Variants in CRADD observed in about 807,000 individuals in gnomAD.
The protein encoded by CRADD is death domain-containing protein CRADD.
In CRADD, 9 loss-of-function variants were observed where a neutral mutation model predicts 15.5. The ratio of observed to expected loss-of-function variants is 0.58; its 90% CI spans 0.35 to 1.01. The LOEUF is 1.01. Among genes scored for constraint, CRADD ranks in the 50% least tolerant of loss-of-function variants. The pLI is 0.02. For missense variants in CRADD, 227 were observed against 250.3 expected (o/e 0.91, Z 0.63); for synonymous variants, 118 against 107.6 (o/e 1.10, Z -0.60).
chr12:93,753,803 T>TG (rs1278014096), intron 2 of CRADD, among the ~76,000 whole-genome samples: 2 of 152,216 alleles, frequency 1.3e-5, no homozygotes. Flanking sequence ...CCCTCCCAGC[T>TG]GCTTTCACTG....
intron 2 of CRADD, among the ~76,000 whole-genome samples, chr12:93,695,481 G>A (rs1175892323): frequency 1.3e-5 from 2 of 152,154 alleles, no homozygotes; most frequent in African/African-American, 4.8e-5. Context: ...TTCTGCACAG[G>A]AAACAACAGA....
At chr12:93,785,700 G>A (rs1399221652) in intron 2 of CRADD, among the ~76,000 whole-genome samples, 1 of 152,146 alleles carries the variant, frequency 6.6e-6, no homozygotes. Context: ...CATTTCAAAG[G>A]GAATTGTGGA....
chr12:93,880,399 T>C (rs1958488847), intron 2 of CRADD, among the ~76,000 whole-genome samples: 1 of 152,124 alleles, frequency 6.6e-6, no homozygotes, highest in Non-Finnish European at 1.5e-5. Context: ...ATTCCTACAT[T>C]GGTTCTGGCT....
At chr12:93,742,869 C>T (rs1026067640) in intron 2 of CRADD, among the ~76,000 whole-genome samples, 5 of 152,094 alleles carry the variant, frequency 3.3e-5, no homozygotes, top group African/African-American at 1.2e-4. Flanking sequence ...ACAGGTTATG[C>T]GCTGGGTCCT....
intron 2 of CRADD, among the ~76,000 whole-genome samples, chr12:93,809,224 C>T (rs1472755751): frequency 6.6e-6 from 1 of 152,128 alleles, no homozygotes; most frequent in Non-Finnish European, 1.5e-5. Flanking sequence ...TGAATTTTGA[C>T]TTCTATTCAT....
intron 2 of CRADD, among the ~76,000 whole-genome samples, chr12:93,775,352 A>G (rs1957129889): frequency 6.6e-6 from 1 of 152,136 alleles, no homozygotes; most frequent in Non-Finnish European, 1.5e-5. Flanking sequence ...AAGTACCAGT[A>G]TGAAGAGGAA....
At chr12:93,861,212 G>A (rs369568403) in intron 2 of CRADD, among the ~76,000 whole-genome samples, 1 of 152,196 alleles carries the variant, frequency 6.6e-6, no homozygotes, top group African/African-American at 2.4e-5. Context: ...ATGTTACTCA[G>A]GTTGAGGCAG....
chr12:93,766,828 A>G (rs987781527), intron 2 of CRADD, among the ~76,000 whole-genome samples: 1 of 152,234 alleles, frequency 6.6e-6, no homozygotes. Context: ...TGTTTATTCA[A>G]CCTTCTATTC....
chr12:93,804,562 G>A (rs958255457), intron 2 of CRADD, among the ~76,000 whole-genome samples: 2 of 152,094 alleles, frequency 1.3e-5, no homozygotes, highest in African/African-American at 4.8e-5. Flanking sequence ...CGGAGTCATG[G>A]TGTACTCATC....
chr12:93,717,054 T>G (rs1956175105), intron 2 of CRADD, among the ~76,000 whole-genome samples: 1 of 152,238 alleles, frequency 6.6e-6, no homozygotes. Context: ...TGTCAGAGTT[T>G]TGGATTGTGA....
intron 2 of CRADD, among the ~76,000 whole-genome samples, chr12:93,746,247 T>G (rs531460396): frequency 1.4e-4 from 22 of 152,250 alleles, no homozygotes; most frequent in Non-Finnish European, 2.5e-4. Flanking sequence ...TTTGATGCTT[T>G]CTTTCTGCTA....
intron 2 of CRADD, among the ~76,000 whole-genome samples, chr12:93,820,058 G>T (rs1593017525): frequency 6.6e-6 from 1 of 152,252 alleles, no homozygotes; most frequent in South Asian, 2.1e-4. Flanking sequence ...AGTCATTCAA[G>T]GTAGAAACTG....
intron 2 of CRADD, among the ~76,000 whole-genome samples, chr12:93,789,653 G>A (rs192678879): frequency 5.1e-4 from 77 of 151,986 alleles, no homozygotes; most frequent in African/African-American, 1.8e-3. Context: ...GATGAGGGGT[G>A]TGCACATCAC....
intron 2 of CRADD, among the ~76,000 whole-genome samples, chr12:93,810,782 C>A (rs1212448514): frequency 6.6e-6 from 1 of 152,136 alleles, no homozygotes; most frequent in African/African-American, 2.4e-5. Context: ...CCTTCCCTCC[C>A]AGCACTATCA....
At chr12:93,827,018 C>T (rs541998741) in intron 2 of CRADD, among the ~76,000 whole-genome samples, 2 of 152,062 alleles carry the variant, frequency 1.3e-5, no homozygotes, top group Non-Finnish European at 1.5e-5. Context: ...GAAGTGGGGC[C>T]AGGGACAAGA....
chr12:93,867,682 A>C (rs1378843589), intron 2 of CRADD, among the ~76,000 whole-genome samples: 1 of 152,146 alleles, frequency 6.6e-6, no homozygotes, highest in Non-Finnish European at 1.5e-5. Flanking sequence ...AAATGAGGGA[A>C]TGTGAAAGGA....
At chr12:93,855,024 G>A (rs548381405), downstream of CRADD, among the ~76,000 whole-genome samples, 11 of 151,954 alleles carry the variant, frequency 7.2e-5, no homozygotes, top group East Asian at 1.9e-4. Context: ...GTGAAACCCC[G>A]TCTCTACTAA....
chr12:93,816,383 A>ATTTTTCT (rs1957697569), intron 2 of CRADD, among the ~76,000 whole-genome samples: 6 of 122,114 alleles, frequency 4.9e-5, no homozygotes, highest in Admixed American at 3.5e-4. Flanking sequence ...TGCCTGGCTA[A>ATTTTTCT]TTTTTTTTTT....
At chr12:93,870,652 C>G (rs1469569593) in intron 2 of CRADD, among the ~76,000 whole-genome samples, 2 of 152,164 alleles carry the variant, frequency 1.3e-5, no homozygotes, top group Non-Finnish European at 2.9e-5. Context: ...CCAGCCAACT[C>G]ATAGGGTGGA....
Sources: allele counts gnomAD v4.1 joint callset (sites outside exome capture counted in the v4.1 genomes callset), GRCh38; gene constraint gnomAD v4.1.1; transcripts MANE v1.5; gene names NCBI Gene and HGNC (gene_info 2026-07-23, HGNC 2026-07-21).